Variants in STXBP6 observed in about 807,000 individuals in gnomAD.
STXBP6 encodes syntaxin-binding protein 6.
A neutral mutation model predicts 26.9 loss-of-function variants in STXBP6; 21 were observed. The observed-to-expected ratio is 0.78, with a 90% CI of 0.55 to 1.12. The LOEUF is 1.12. Ranked by LOEUF, STXBP6 falls within the 50% of genes most tolerant of loss-of-function variation. The pLI is 0.00. For synonymous variants in STXBP6, 97 were observed against 92.6 expected, an observed-to-expected ratio of 1.05 and a Z score of -0.27; for missense variants, 232 against 257.9, an observed-to-expected ratio of 0.90 and a Z score of 0.69.
Position 25,014,073 on chromosome 14 carries a change from G to T in STXBP6, c.-33+35805C>A, listed in dbSNP as rs147273989. 6.3e-3 allele frequency among the ~76,000 whole-genome samples: 960 copies of T among 152,300 alleles called. 4 individuals carry two copies. The highest frequency in any genetic ancestry group is 8.0e-3 in the Non-Finnish European group (541 of 68,024). ...AACATAATCCCTGGTAGAGAGAGGA[G>T]GCTAAGATCTAGATGAAACAAGATT... is the stretch of plus-strand genomic sequence containing the variant. On this transcript the variant is annotated intron_variant, in intron 1 of 5. Transcript: ENST00000323944.
At chr14:24,892,644 A>C (rs2139549532) in intron 2 of STXBP6, among the ~76,000 whole-genome samples, 1 of 152,260 alleles carries the variant, frequency 6.6e-6, no homozygotes, top group Admixed American at 6.5e-5. Flanking sequence ...AGACTGCCAG[A>C]GCAGGTTTCT....
chr14:24,931,132 A>AAACAAAAAAACAAAC lies in STXBP6; in HGVS notation c.154+43532_154+43533insGTTTGTTTTTTTGTT, dbSNP rs1454408198. Among the ~76,000 whole-genome samples the AAACAAAAAAACAAAC allele has an allele frequency of 2.8e-4, 39 of 139,740 alleles. 1 individual carries two copies. The highest frequency in any genetic ancestry group is 1.0e-3 in the African/African-American group (37 of 36,786). The allele number at this position is 139,740 out of a possible 152,430, so 91.7% of individuals were successfully genotyped here. A position where few individuals can be genotyped will look rare whatever the true frequency, so the allele number is the denominator to read the frequency against. On this transcript the variant is annotated intron_variant, in intron 2 of 5. Transcript: ENST00000323944. ...GACTCCGTCTCAAAAAAAAAAAAAA[A>AAACAAAAAAACAAAC]AAAAAAAAAACCCAAACACCACATG...
At chr14:24,914,220 T>C (rs903503278) in intron 2 of STXBP6, among the ~76,000 whole-genome samples, 6 of 152,258 alleles carry the variant, frequency 3.9e-5, no homozygotes, top group African/African-American at 1.4e-4. Flanking sequence ...CAAGTTTTGG[T>C]CACAAGATAT....
At chr14:24,836,359 G>A (rs945251673) in intron 4 of STXBP6, among the ~76,000 whole-genome samples, 6 of 152,106 alleles carry the variant, frequency 3.9e-5, no homozygotes, top group African/African-American at 1.2e-4. Context: ...CACTTTGGGA[G>A]GTCGAGGCGA....
chr14:24,849,849 G>A (rs973310015), intron 4 of STXBP6, among the ~76,000 whole-genome samples: 5 of 152,038 alleles, frequency 3.3e-5, no homozygotes, highest in East Asian at 1.9e-4. Flanking sequence ...ATATGTGTGC[G>A]TGCATCTCCC....
intron 1 of STXBP6, among the ~76,000 whole-genome samples, chr14:24,979,230 T>C (rs1383916275): frequency 6.6e-6 from 1 of 152,260 alleles, no homozygotes; most frequent in African/African-American, 2.4e-5. Context: ...TTTGGCCTTG[T>C]GGCTGTGCCA....
intron 1 of STXBP6, among the ~76,000 whole-genome samples, chr14:24,982,972 C>T (rs2074237237): frequency 6.6e-6 from 1 of 152,214 alleles, no homozygotes; most frequent in African/African-American, 2.4e-5. Flanking sequence ...ATTTCATAAG[C>T]ATCACTCATT....
In STXBP6 at chr14:24,870,358, T is replaced by A. The variant is rs71405877; in HGVS notation, c.155-13201A>T. On this transcript the variant is annotated intron_variant, in intron 2 of 5. Transcript: ENST00000323944. ...TTTTGCATTCTTTTAATGTACAAACTAAAGTTCTGTTCAGCCTATTACACC... is the reference window on the plus strand; with the variant it reads ...TTTTGCATTCTTTTAATGTACAAACAAAAGTTCTGTTCAGCCTATTACACC... 3.1e-3 allele frequency among the ~76,000 whole-genome samples: 470 copies of A among 152,294 alleles called. 1 individual carries two copies. Among genetic ancestry groups the A allele is most frequent in the Non-Finnish European group, 3.6e-3 (244 of 68,010 alleles).
intron 2 of STXBP6, among the ~76,000 whole-genome samples, chr14:24,909,103 T>C (rs1566466577): frequency 1.3e-5 from 2 of 152,260 alleles, no homozygotes; most frequent in South Asian, 4.1e-4. Context: ...CTGACGTATT[T>C]CTAAATTTGT....
At chr14:25,020,226 C>G (rs1264953459) in intron 1 of STXBP6, among the ~76,000 whole-genome samples, 1 of 152,114 alleles carries the variant, frequency 6.6e-6, no homozygotes, top group Non-Finnish European at 1.5e-5. Flanking sequence ...ACCAAATTAT[C>G]CCAGCAACTA....
intron 2 of STXBP6, among the ~76,000 whole-genome samples, chr14:24,919,499 C>A (rs1415146395): frequency 6.7e-6 from 1 of 149,616 alleles, no homozygotes; most frequent in African/African-American, 2.5e-5. Flanking sequence ...TAGAGAAGAA[C>A]TATTTCTCTC....
intron 1 of STXBP6, among the ~76,000 whole-genome samples, chr14:24,978,481 C>T (rs1190119678): frequency 1.3e-5 from 2 of 152,162 alleles, no homozygotes; most frequent in Non-Finnish European, 2.9e-5. Context: ...GTTGGTAAAT[C>T]ATTGTCCATC....
intron 1 of STXBP6, among the ~76,000 whole-genome samples, chr14:25,004,007 G>A (rs2074830411): frequency 6.6e-6 from 1 of 152,184 alleles, no homozygotes; most frequent in Non-Finnish European, 1.5e-5. Context: ...CTGGAGTAAA[G>A]GACTAGCAGA....
chr14:24,819,469 T>C (rs2068078231), intron 4 of STXBP6: 2 of 582,352 alleles, frequency 3.4e-6, no homozygotes, highest in Non-Finnish European at 6.1e-6. Context: ...CTGCCAGTAT[T>C]CTATCTGTGG....
intron 2 of STXBP6, among the ~76,000 whole-genome samples, chr14:24,893,107 C>T (rs1309996735): frequency 6.6e-6 from 1 of 152,108 alleles, no homozygotes; most frequent in Non-Finnish European, 1.5e-5. Flanking sequence ...GGTAGTAGAT[C>T]CCAGAGACTC....
In STXBP6 at chr14:25,049,782, G is replaced by C; in HGVS notation, c.-33+96C>G. 1.0e-6 allele frequency: 1 copy of C among 985,608 alleles called. No homozygotes were observed. The highest frequency in any genetic ancestry group is 1.2e-6 in the Non-Finnish European group (1 of 830,118). The allele number at this position is 985,608 out of a possible 1,614,324, so 61.1% of individuals were successfully genotyped here. The stretch of plus-strand genomic sequence containing the variant: ...GCCTCACAGCCACCCGCCTCGGACG[G>C]AGCGCCAGGCGCCCCAACAGCCGTG... On this transcript the variant is annotated intron_variant, in intron 1 of 5. Coordinates refer to ENST00000323944, the MANE Select transcript of STXBP6 (RefSeq NM_001394410.1). This position sits in a 1 kb window ranked among gnomAD's most constrained non-coding sequence, Gnocchi z 5.6.
chr14:24,817,821 AG>A (rs2068022969), intron 5 of STXBP6: 2 of 330,136 alleles, frequency 6.1e-6, no homozygotes, highest in African/African-American at 4.3e-5. Context: ...TTCTCCTTGA[AG>A]GAACTCGAAA....
chr14:24,870,048 T>C (rs1443312767), intron 2 of STXBP6, among the ~76,000 whole-genome samples: 2 of 152,178 alleles, frequency 1.3e-5, no homozygotes, highest in African/African-American at 2.4e-5. Context: ...CCATTATGTA[T>C]AGTATGGTTT....
Position 24,861,136 on chromosome 14 carries a change from A to G in STXBP6, c.155-3979T>C, listed in dbSNP as rs929255193. Among the ~76,000 whole-genome samples, 10 of 152,294 alleles carry G rather than the reference A, an allele frequency of 6.6e-5. 2 individuals are homozygous for G. The highest frequency in any genetic ancestry group is 3.9e-4 in the Admixed American group (6 of 15,280). ...CTAAAAAGCAGAATTTACCACACCTACATACCTAAGATGCCTTACACTTTC... is the reference window on the plus strand; with the variant it reads ...CTAAAAAGCAGAATTTACCACACCTGCATACCTAAGATGCCTTACACTTTC... On this transcript the variant is annotated intron_variant, in intron 2 of 5. Transcript: ENST00000323944.
Sources: allele counts gnomAD v4.1 joint callset (sites outside exome capture counted in the v4.1 genomes callset), GRCh38; gene constraint gnomAD v4.1.1; non-coding constraint Gnocchi (gnomAD v3.1); transcripts MANE v1.5; gene names NCBI Gene and HGNC (gene_info 2026-07-23, HGNC 2026-07-21).